The following TMEM178B variants were observed in gnomAD, a reference collection of about 807,000 sequenced individuals.
TMEM178B encodes the protein transmembrane protein 178B.
TMEM178B carries 5 observed loss-of-function variants against 31.0 expected under a neutral mutation model. The ratio of observed to expected loss-of-function variants is 0.16; its 90% CI spans 0.08 to 0.34. TMEM178B has a LOEUF of 0.34. TMEM178B is among the 10% of genes least tolerant of loss of function. TMEM178B has a pLI of 1.00. For missense variants in TMEM178B, 275 were observed against 400.3 expected, an observed-to-expected ratio of 0.69 and a Z score of 2.67; for synonymous variants, 164 against 164.0, an observed-to-expected ratio of 1.00 and a Z score of 0.00.
chr7:141,495,499 G>A, the TMEM178B span, among the ~76,000 whole-genome samples: 1,308 of 152,310 alleles, frequency 8.6e-3, 11 homozygotes, highest in African/African-American at 0.03. Context: ...CCATTAGTGG[G>A]TGGTAAATTG....
the TMEM178B span, among the ~76,000 whole-genome samples, chr7:141,499,455 A>G: frequency 4.3e-5 from 6 of 137,980 alleles, no homozygotes; most frequent in Admixed American, 4.4e-4. Flanking sequence ...TAGGAAGACC[A>G]CATCTCTACA....
At chr7:141,285,896 A>G (rs1405510389) in intron 2 of TMEM178B, among the ~76,000 whole-genome samples, 1 of 152,182 alleles carries the variant, frequency 6.6e-6, no homozygotes, top group Non-Finnish European at 1.5e-5. Context: ...GAACAATGAA[A>G]ACACATGGAC....
At chr7:141,428,387 A>T (rs13310787) in intron 2 of TMEM178B, among the ~76,000 whole-genome samples, 1 of 143,958 alleles carries the variant, frequency 6.9e-6, no homozygotes, top group Non-Finnish European at 1.5e-5. Context: ...AAAAAAAAGA[A>T]AAAAAGAAAA....
chr7:141,251,176 A>G (rs1563131825), intron 2 of TMEM178B, among the ~76,000 whole-genome samples: 1 of 151,998 alleles, frequency 6.6e-6, no homozygotes, highest in African/African-American at 2.4e-5. Context: ...TCTAACTTGT[A>G]TGGGTCTCTC....
intron 3 of TMEM178B, among the ~76,000 whole-genome samples, chr7:141,440,916 A>C (rs1801645572): frequency 6.6e-6 from 1 of 152,242 alleles, no homozygotes; most frequent in Non-Finnish European, 1.5e-5. Context: ...ACGGATGTCC[A>C]CATACCTTGT....
chr7:141,119,015 G>A (rs1052158967), intron 1 of TMEM178B, among the ~76,000 whole-genome samples: 1 of 152,186 alleles, frequency 6.6e-6, no homozygotes, highest in African/African-American at 2.4e-5. Context: ...AGTCAGGCAG[G>A]CCTTGTATTA....
At chr7:141,351,834 A>G (rs1188399765) in intron 2 of TMEM178B, 2 of 152,210 alleles carry the variant, frequency 1.3e-5, no homozygotes, top group Admixed American at 1.3e-4. Flanking sequence ...TGAACAAATA[A>G]TGAAGTGGTA....
intron 2 of TMEM178B, among the ~76,000 whole-genome samples, chr7:141,231,402 T>C (rs1482652090): frequency 2.6e-5 from 4 of 152,174 alleles, no homozygotes. Flanking sequence ...AGATTCCTTC[T>C]CCAGAGGCAA....
At chr7:141,327,196 A>G (rs1274495296) in intron 2 of TMEM178B, among the ~76,000 whole-genome samples, 1 of 152,208 alleles carries the variant, frequency 6.6e-6, no homozygotes, top group African/African-American at 2.4e-5. Flanking sequence ...TATAGAGTTT[A>G]TGAAGTTTTC....
chr7:141,317,682 G>A (rs1799030325), intron 2 of TMEM178B, among the ~76,000 whole-genome samples: 1 of 152,124 alleles, frequency 6.6e-6, no homozygotes, highest in African/African-American at 2.4e-5. Context: ...GCATAAAACT[G>A]ATTAGAAACT....
At chr7:141,322,966 T>C (rs1171886410) in intron 2 of TMEM178B, among the ~76,000 whole-genome samples, 3 of 152,234 alleles carry the variant, frequency 2.0e-5, no homozygotes, top group Non-Finnish European at 4.4e-5. Context: ...TTTAAATTTT[T>C]ATTTGTATTT....
intron 1 of TMEM178B, among the ~76,000 whole-genome samples, chr7:141,170,729 C>T (rs1211844048): frequency 3.3e-5 from 5 of 152,082 alleles, no homozygotes; most frequent in Admixed American, 2.6e-4. Context: ...GACTGTGGGG[C>T]GGGGACAGAC....
At chr7:141,485,105 A>G (rs1056247519), downstream of TMEM178B, among the ~76,000 whole-genome samples, 1 of 152,176 alleles carries the variant, frequency 6.6e-6, no homozygotes, top group African/African-American at 2.4e-5. Context: ...GCATAAGACC[A>G]CATGGGTTTC....
intron 2 of TMEM178B, among the ~76,000 whole-genome samples, chr7:141,426,069 A>G (rs1340827948): frequency 6.6e-6 from 1 of 152,230 alleles, no homozygotes; most frequent in Non-Finnish European, 1.5e-5. Flanking sequence ...AATAAAAACT[A>G]TGTTGAATTA....
At chr7:141,187,350 A>G (rs1029034419) in intron 1 of TMEM178B, among the ~76,000 whole-genome samples, 14 of 152,136 alleles carry the variant, frequency 9.2e-5, no homozygotes, top group South Asian at 2.1e-4. Context: ...GTTATTGGAC[A>G]TTTAGGTTGG....
At position 141,344,567 on chromosome 7, in the gene TMEM178B, CCCTCCTCCCTT is replaced by C. The variant is rs1707693625; in HGVS notation, c.497-93037_497-93027del. On this transcript the variant is annotated intron_variant, in intron 2 of 3. Coordinates refer to ENST00000565468, the MANE Select transcript of TMEM178B (RefSeq NM_001195278.2). The surrounding 1 kb of genome is among the most constrained non-coding windows in gnomAD (Gnocchi z 4.1). ...TTTCTCCCTCCCTCCCTCCATTCCT[CCCTCCTCCCTT>C]CCTTCCTTCCTTCCTTCCTTCCTTC... Among the ~76,000 whole-genome samples, 1 of 145,030 alleles carries C rather than the reference CCCTCCTCCCTT, an allele frequency of 6.9e-6. No homozygotes were observed. Among genetic ancestry groups the C allele is most frequent in the Non-Finnish European group, 1.5e-5 (1 of 66,556 alleles).
At chr7:141,397,657 A>G (rs1468232038) in intron 2 of TMEM178B, among the ~76,000 whole-genome samples, 2 of 152,168 alleles carry the variant, frequency 1.3e-5, no homozygotes, top group Non-Finnish European at 2.9e-5. Flanking sequence ...CTAGCTACCT[A>G]TGTGATATGA....
chr7:141,408,120 G>A (rs1360216182), intron 2 of TMEM178B, among the ~76,000 whole-genome samples: 1 of 152,004 alleles, frequency 6.6e-6, no homozygotes, highest in Non-Finnish European at 1.5e-5. Context: ...CATGACCCAA[G>A]GATTCAGTGA....
intron 2 of TMEM178B, among the ~76,000 whole-genome samples, chr7:141,379,248 C>T (rs1800271731): frequency 1.3e-5 from 2 of 151,578 alleles, no homozygotes; most frequent in Non-Finnish European, 2.9e-5. Flanking sequence ...GGGAGAATCA[C>T]TTAACCCCAG....
Sources: allele counts gnomAD v4.1 joint callset (sites outside exome capture counted in the v4.1 genomes callset), GRCh38; gene constraint gnomAD v4.1.1; non-coding constraint Gnocchi (gnomAD v3.1); transcripts MANE v1.5; gene names NCBI Gene and HGNC (gene_info 2026-07-23, HGNC 2026-07-21).